The following NXPE4 variants were observed in gnomAD, a reference collection of about 807,000 sequenced individuals.
The protein encoded by NXPE4 is neurexophilin and PC-esterase domain family member 4.
NXPE4 carries 42 observed loss-of-function variants against 33.3 expected under a neutral mutation model. That is an observed-to-expected ratio of 1.26 (90% CI 0.98 to 1.63). The LOEUF (loss-of-function observed/expected upper bound fraction) is 1.63. Ranked by LOEUF, NXPE4 falls within the 40% of genes most tolerant of loss-of-function variation. The probability of loss-of-function intolerance (pLI) is 0.00; values close to 1 mark genes in which losing one functional copy is unlikely to be tolerated. For synonymous variants in NXPE4, 253 were observed against 234.9 expected (o/e 1.08, Z -0.71); for missense variants, 709 against 647.6 (o/e 1.09, Z -1.03).
the NXPE4 span, among the ~76,000 whole-genome samples, chr11:114,653,979 TGGAA>T: frequency 2.0e-5 from 3 of 152,112 alleles, no homozygotes; most frequent in African/African-American, 7.2e-5. Context: ...GAGGCATACT[TGGAA>T]GGAAGGCATA....
the NXPE4 span, among the ~76,000 whole-genome samples, chr11:114,650,423 C>T: frequency 4.4e-3 from 672 of 152,232 alleles, 6 homozygotes; most frequent in African/African-American, 0.015. Context: ...TCAGAGAAGA[C>T]CAGGAGATTG....
At chr11:114,601,786 CAT>C in the NXPE4 span, among the ~76,000 whole-genome samples, 5 of 56,054 alleles carry the variant, frequency 8.9e-5, no homozygotes, top group South Asian at 2.9e-3. Flanking sequence ...AATTATATAA[CAT>C]GTGATATATG....
the NXPE4 span, among the ~76,000 whole-genome samples, chr11:114,627,778 T>C: frequency 1.3e-5 from 2 of 152,000 alleles, no homozygotes; most frequent in Non-Finnish European, 1.5e-5. Flanking sequence ...GAAACCCATC[T>C]CACAGGCAGA....
chr11:114,671,048 T>A, the NXPE4 span, among the ~76,000 whole-genome samples: 1 of 147,828 alleles, frequency 6.8e-6, no homozygotes, highest in Non-Finnish European at 1.5e-5. Context: ...TATATATATA[T>A]AAAAATATAA....
the NXPE4 span, among the ~76,000 whole-genome samples, chr11:114,662,049 C>T: frequency 6.6e-6 from 1 of 152,162 alleles, no homozygotes; most frequent in Non-Finnish European, 1.5e-5. Flanking sequence ...ACCAATTTAA[C>T]AACTATCGAC....
At chr11:114,670,880 C>T in the NXPE4 span, among the ~76,000 whole-genome samples, 2 of 151,292 alleles carry the variant, frequency 1.3e-5, no homozygotes, top group South Asian at 4.2e-4. Context: ...CAATGGAAAC[C>T]GCCTCTGAGA....
chr11:114,628,523 G>C, the NXPE4 span, among the ~76,000 whole-genome samples: 1 of 151,770 alleles, frequency 6.6e-6, no homozygotes, highest in East Asian at 1.9e-4. Flanking sequence ...TCAAAGCAGT[G>C]TGTAGAGGGA....
At chr11:114,674,954 A>G in the NXPE4 span, among the ~76,000 whole-genome samples, 22 of 151,982 alleles carry the variant, frequency 1.4e-4, no homozygotes, top group African/African-American at 4.6e-4. Flanking sequence ...ATGATTCACC[A>G]TAATCAAGTG....
chr11:114,608,433 G>T, the NXPE4 span, among the ~76,000 whole-genome samples: 13 of 150,550 alleles, frequency 8.6e-5, no homozygotes, highest in East Asian at 2.5e-3. Flanking sequence ...GTGTTGCCTC[G>T]CAGGAAAGCA....
the NXPE4 span, among the ~76,000 whole-genome samples, chr11:114,629,713 A>G: frequency 6.6e-6 from 1 of 151,916 alleles, no homozygotes; most frequent in Non-Finnish European, 1.5e-5. Flanking sequence ...TTCAATTAGG[A>G]AAAGAGGAAG....
the NXPE4 span, among the ~76,000 whole-genome samples, chr11:114,661,606 A>G: frequency 6.6e-5 from 10 of 152,232 alleles, no homozygotes; most frequent in African/African-American, 2.4e-5. Context: ...TCTGGATAGA[A>G]CAAGGACAAA....
chr11:114,606,051 G>T, the NXPE4 span, among the ~76,000 whole-genome samples: 3 of 150,996 alleles, frequency 2.0e-5, no homozygotes, highest in Non-Finnish European at 4.4e-5. Flanking sequence ...GGTCTGCCTC[G>T]TGGGTAACCA....
chr11:114,581,863 G>T, intron 3 of NXPE4, 77 bp from the exon 4 acceptor site: 1 of 943,378 alleles, frequency 1.1e-6, no homozygotes, highest in Non-Finnish European at 1.7e-6. Flanking sequence ...ATTATCCAGT[G>T]CCTCAGTTAT....
At chr11:114,628,588 C>T in the NXPE4 span, among the ~76,000 whole-genome samples, 1 of 149,070 alleles carries the variant, frequency 6.7e-6, no homozygotes, top group African/African-American at 2.5e-5. Flanking sequence ...AAAATTGACA[C>T]CCTAACATCA....
the NXPE4 span, among the ~76,000 whole-genome samples, chr11:114,626,410 G>C: frequency 6.6e-6 from 1 of 152,086 alleles, no homozygotes; most frequent in African/African-American, 2.4e-5. Flanking sequence ...CCCCCAACAG[G>C]GGCAGACTGA....
the NXPE4 span, among the ~76,000 whole-genome samples, chr11:114,617,685 A>G: frequency 6.8e-6 from 1 of 147,300 alleles, no homozygotes; most frequent in African/African-American, 2.5e-5. Flanking sequence ...CGGTGGATAA[A>G]AAGTACTGCC....
the NXPE4 span, among the ~76,000 whole-genome samples, chr11:114,645,389 T>G: frequency 6.6e-5 from 10 of 152,060 alleles, no homozygotes; most frequent in African/African-American, 2.4e-4. Context: ...CCAGGTAGAT[T>G]AATCTGAATG....
the NXPE4 span, among the ~76,000 whole-genome samples, chr11:114,626,024 T>C: frequency 6.6e-6 from 1 of 152,208 alleles, no homozygotes; most frequent in Non-Finnish European, 1.5e-5. Context: ...CAAAGGGTCC[T>C]ACGCCCACGG....
chr11:114,603,477 C>A, the NXPE4 span, among the ~76,000 whole-genome samples: 1 of 150,274 alleles, frequency 6.7e-6, no homozygotes, highest in African/African-American at 2.5e-5. Flanking sequence ...AGTATTGCCT[C>A]GTCTCCTAGG....
Sources: gnomAD v4.1 joint callset for allele counts (sites outside exome capture counted in the v4.1 genomes callset) on GRCh38, gnomAD v4.1.1 for gene constraint, MANE v1.5 for transcripts, NCBI Gene and HGNC (gene_info 2026-07-23, HGNC 2026-07-21) for gene names.